Variants in PPP2R2B observed in about 807,000 individuals in gnomAD.
PPP2R2B encodes protein phosphatase 2 regulatory subunit Bbeta, also known as serine/threonine-protein phosphatase 2A 55 kDa regulatory subunit B beta isoform.
In PPP2R2B, 5 loss-of-function variants were observed where a neutral mutation model predicts 46.0. That is an observed-to-expected ratio of 0.11 (90% CI 0.06 to 0.23). The LOEUF (loss-of-function observed/expected upper bound fraction) is 0.23, where lower values mean the gene tolerates loss of function less well. Ranked by LOEUF, PPP2R2B falls within the 10% of genes least tolerant of loss-of-function variation. The pLI, the probability that PPP2R2B is intolerant of heterozygous loss-of-function variation, is 1.00. For missense variants in PPP2R2B, 367 were observed against 575.0 expected (o/e 0.64, Z 3.70); for synonymous variants, 215 against 206.7 (o/e 1.04, Z -0.34).
At chr5:146,677,561 C>T (rs1355491241) in intron 5 of PPP2R2B, among the ~76,000 whole-genome samples, 1 of 127,212 alleles carries the variant, frequency 7.9e-6, no homozygotes, top group Non-Finnish European at 1.6e-5. Flanking sequence ...CTGTCTGAGA[C>T]AGGGTCTCAC....
intron 2 of PPP2R2B, among the ~76,000 whole-genome samples, chr5:147,077,143 TATA>T (rs1757798048): frequency 6.8e-6 from 1 of 147,922 alleles, no homozygotes; most frequent in African/African-American, 2.5e-5. Context: ...GTATTATATG[TATA>T]ATATTGTATA....
chr5:146,988,882 A>G (rs1753555083), intron 1 of PPP2R2B, among the ~76,000 whole-genome samples: 1 of 152,006 alleles, frequency 6.6e-6, no homozygotes, highest in African/African-American at 2.4e-5. Context: ...AATAAAGACA[A>G]AACTCAAATA....
chr5:146,863,641 T>TATCCATCCATCC (rs3062349), intron 2 of PPP2R2B, among the ~76,000 whole-genome samples: 19 of 150,584 alleles, frequency 1.3e-4, no homozygotes, highest in South Asian at 8.5e-4. Flanking sequence ...TCCATCCATC[T>TATCCATCCATCC]ATCCATCCAT....
chr5:146,904,182 T>G (rs1365485169), intron 1 of PPP2R2B, among the ~76,000 whole-genome samples: 1 of 152,180 alleles, frequency 6.6e-6, no homozygotes, highest in Non-Finnish European at 1.5e-5. Context: ...AGTTTCTAAC[T>G]CATGAACTGT....
chr5:146,831,176 A>C (rs557884940), intron 2 of PPP2R2B, among the ~76,000 whole-genome samples: 2 of 152,268 alleles, frequency 1.3e-5, no homozygotes, highest in South Asian at 4.1e-4. Context: ...CCTTCTGCTT[A>C]TAAAAAAAAA....
chr5:146,624,655 C>T (rs1773921835), intron 7 of PPP2R2B, among the ~76,000 whole-genome samples: 1 of 152,166 alleles, frequency 6.6e-6, no homozygotes, highest in Admixed American at 6.5e-5. Flanking sequence ...TTACACCAAG[C>T]CCTCCTGGAT....
chr5:146,947,353 T>C (rs548620201), intron 1 of PPP2R2B, among the ~76,000 whole-genome samples: 1 of 152,288 alleles, frequency 6.6e-6, no homozygotes, highest in East Asian at 1.9e-4. Context: ...TAGACATCTG[T>C]GCAGTCTGCC....
intron 7 of PPP2R2B, among the ~76,000 whole-genome samples, chr5:146,635,270 GTT>G: frequency 7.0e-6 from 1 of 142,768 alleles, no homozygotes; most frequent in African/African-American, 2.6e-5. Context: ...AATCACTCTA[GTT>G]TTTTTTTTTT....
chr5:146,931,915 A>G (rs937456682), intron 1 of PPP2R2B, among the ~76,000 whole-genome samples: 1 of 152,174 alleles, frequency 6.6e-6, no homozygotes, highest in Admixed American at 6.6e-5. Flanking sequence ...CACGCATGGC[A>G]TATGTGTGGA....
intron 1 of PPP2R2B, among the ~76,000 whole-genome samples, chr5:146,930,402 T>G (rs1227931161): frequency 6.6e-6 from 1 of 152,192 alleles, no homozygotes; most frequent in African/African-American, 2.4e-5. Flanking sequence ...TAAATAACAC[T>G]AACCCCTCTG....
chr5:146,921,413 C>T (rs1430233883), intron 1 of PPP2R2B, among the ~76,000 whole-genome samples: 1 of 152,214 alleles, frequency 6.6e-6, no homozygotes, highest in African/African-American at 2.4e-5. Flanking sequence ...TTTCATCTCT[C>T]ATGTGAGGTG....
chr5:146,951,078 A>T (rs1342332505), intron 1 of PPP2R2B, among the ~76,000 whole-genome samples: 1 of 152,008 alleles, frequency 6.6e-6, no homozygotes, highest in Admixed American at 6.6e-5. Flanking sequence ...CTAAGACCTC[A>T]CTTACCACTT....
At chr5:146,696,159 G>A (rs974752645) in intron 4 of PPP2R2B, among the ~76,000 whole-genome samples, 3 of 151,002 alleles carry the variant, frequency 2.0e-5, no homozygotes, top group Non-Finnish European at 2.9e-5. Context: ...GGTAGAGTGC[G>A]GTGGAGTGAT....
At chr5:146,737,542 G>C (rs549540010) in intron 2 of PPP2R2B, among the ~76,000 whole-genome samples, 3 of 152,158 alleles carry the variant, frequency 2.0e-5, no homozygotes, top group Non-Finnish European at 4.4e-5. Flanking sequence ...AGAAGAGCTG[G>C]GATTTGAATC....
chr5:146,877,644 A>G (rs967021267), intron 2 of PPP2R2B, among the ~76,000 whole-genome samples: 3 of 152,052 alleles, frequency 2.0e-5, no homozygotes, highest in African/African-American at 7.2e-5. Context: ...CCAAGGTCCT[A>G]CTGGGCCCCT....
At chr5:146,746,508 T>C (rs1753201419) in intron 2 of PPP2R2B, among the ~76,000 whole-genome samples, 1 of 152,324 alleles carries the variant, frequency 6.6e-6, no homozygotes, top group Non-Finnish European at 1.5e-5. Context: ...AACAGGAGGA[T>C]GAGCAGATCA....
intron 3 of PPP2R2B, among the ~76,000 whole-genome samples, chr5:146,699,670 T>TTG (rs1409549020): frequency 1.3e-5 from 2 of 150,968 alleles, no homozygotes; most frequent in Non-Finnish European, 3.0e-5. Flanking sequence ...GGTTTTTTTT[T>TTG]TTTTTTTTTT....
chr5:146,982,967 T>C (rs1167556261), intron 1 of PPP2R2B, among the ~76,000 whole-genome samples: 1 of 152,114 alleles, frequency 6.6e-6, no homozygotes, highest in Admixed American at 6.5e-5. Flanking sequence ...AGCTTACGTT[T>C]TCTCAATTAA....
At chr5:146,697,833 A>T in intron 4 of PPP2R2B, 146 bp downstream of exon 4, 1 of 664,736 alleles carries the variant, frequency 1.5e-6, no homozygotes, top group Non-Finnish European at 2.4e-6. Context: ...TGTGTGTGCC[A>T]GGCACTCTGC....
Sources: allele counts gnomAD v4.1 joint callset (sites outside exome capture counted in the v4.1 genomes callset), GRCh38; gene constraint gnomAD v4.1.1; transcripts MANE v1.5; gene names NCBI Gene and HGNC (gene_info 2026-07-23, HGNC 2026-07-21).